The following PDE2A variants were observed in gnomAD, a reference collection of about 807,000 sequenced individuals.
The protein encoded by PDE2A is phosphodiesterase 2A, also known as cGMP-dependent 3',5'-cyclic phosphodiesterase.
PDE2A carries 53 observed loss-of-function variants against 133.6 expected under a neutral mutation model. The observed-to-expected ratio is 0.40, with a 90% CI of 0.32 to 0.50. The LOEUF is 0.50. Among genes scored for constraint, PDE2A ranks in the 20% least tolerant of loss-of-function variants. The probability of loss-of-function intolerance (pLI) is 0.73; values close to 1 mark genes in which losing one functional copy is unlikely to be tolerated. For synonymous variants in PDE2A, 491 were observed against 490.2 expected (o/e 1.00, Z -0.02); for missense variants, 796 against 1,232.4 (o/e 0.65, Z 5.30).
chr11:72,632,430 G>A lies in PDE2A; in HGVS notation c.144+9824C>T, dbSNP rs557403638. Among the ~76,000 whole-genome samples the A allele has an allele frequency of 1.5e-3, 225 of 152,236 alleles. 3 individuals are homozygous for A. The highest frequency in any genetic ancestry group is 0.013 in the Admixed American group (195 of 15,300). On this transcript the variant is annotated intron_variant, in intron 2 of 30. Coordinates refer to ENST00000334456, the MANE Select transcript of PDE2A (RefSeq NM_002599.5). ...TGATGGTCTAGGTGTGGCCATCTCC[G>A]GCAGTGACTGTGGTGTGTGTCTGGG...
At chr11:72,640,412 C>G (rs1319446433) in intron 2 of PDE2A, among the ~76,000 whole-genome samples, 3 of 151,368 alleles carry the variant, frequency 2.0e-5, no homozygotes, top group Non-Finnish European at 4.4e-5. Context: ...TACATGCACG[C>G]ACACACACAC....
intron 1 of PDE2A, among the ~76,000 whole-genome samples, chr11:72,662,550 G>T (rs2135459606): frequency 6.6e-6 from 1 of 152,296 alleles, no homozygotes; most frequent in South Asian, 2.1e-4. Context: ...TGAGGGGGTG[G>T]CTTATGGGTG....
chr11:72,619,404 A>T (rs1426262537), intron 2 of PDE2A, among the ~76,000 whole-genome samples: 2 of 152,062 alleles, frequency 1.3e-5, no homozygotes, highest in African/African-American at 4.8e-5. Flanking sequence ...ACGGACCATC[A>T]CATCATCATG....
intron 1 of PDE2A, chr11:72,643,605 C>T (rs78491410): frequency 0.046 from 7,071 of 152,660 alleles, 547 homozygotes; most frequent in African/African-American, 0.16. Flanking sequence ...CAGCTCCCCT[C>T]CTCACCAACT....
chr11:72,651,694 TG>T, intron 1 of PDE2A, among the ~76,000 whole-genome samples: 1 of 152,236 alleles, frequency 6.6e-6, no homozygotes, highest in Non-Finnish European at 1.5e-5. Context: ...AAAAGGATGT[TG>T]CTTGTTGTCC....
intron 1 of PDE2A, among the ~76,000 whole-genome samples, chr11:72,657,464 C>G (rs999004428): frequency 6.6e-6 from 1 of 152,196 alleles, no homozygotes; most frequent in African/African-American, 2.4e-5. Context: ...CCCCATGCCC[C>G]GGCCCCTGCC....
chr11:72,580,498 T>C (rs920069869), intron 25 of PDE2A, 79 bp downstream of exon 25: 12 of 1,043,186 alleles, frequency 1.2e-5, no homozygotes, highest in Non-Finnish European at 1.6e-5. Context: ...GGTTTGGGAA[T>C]AGGAGGAGCT....
chr11:72,612,264 G>A (rs948751329), intron 2 of PDE2A, among the ~76,000 whole-genome samples: 2 of 140,450 alleles, frequency 1.4e-5, no homozygotes, highest in South Asian at 2.3e-4. Context: ...ACTTAGACAT[G>A]CACATCACAT....
intron 2 of PDE2A, among the ~76,000 whole-genome samples, chr11:72,625,470 G>A (rs1009910789): frequency 3.9e-5 from 6 of 152,222 alleles, no homozygotes; most frequent in African/African-American, 1.4e-4. Flanking sequence ...GAGATGGAGG[G>A]CAGAGGACAA....
chr11:72,640,244 G>A (rs144812243), intron 2 of PDE2A, among the ~76,000 whole-genome samples: 2,829 of 151,414 alleles, frequency 0.019, 87 homozygotes, highest in African/African-American at 0.065. Flanking sequence ...AATTCAATAC[G>A]CACGCCACCT....
chr11:72,622,765 T>C (rs1857843178), intron 2 of PDE2A, among the ~76,000 whole-genome samples: 1 of 152,154 alleles, frequency 6.6e-6, no homozygotes, highest in African/African-American at 2.4e-5. Flanking sequence ...GTTCCAGAGA[T>C]TGGTTGCAAA....
chr11:72,583,710 C>T, intron 19 of PDE2A, 195 bp from the exon 20 acceptor site: 1 of 592,190 alleles, frequency 1.7e-6, no homozygotes, highest in Non-Finnish European at 3.0e-6. Context: ...GGTTCCTCCT[C>T]ATCAAGTTCT....
At chr11:72,635,104 A>G (rs761704331) in intron 2 of PDE2A, among the ~76,000 whole-genome samples, 47 of 152,182 alleles carry the variant, frequency 3.1e-4, no homozygotes, top group Non-Finnish European at 2.1e-4. Context: ...CCAGTCTGAA[A>G]TGGTTAAGGA....
At chr11:72,665,469 T>C (rs1374529499) in intron 1 of PDE2A, among the ~76,000 whole-genome samples, 1 of 147,710 alleles carries the variant, frequency 6.8e-6, no homozygotes, top group Non-Finnish European at 1.5e-5. Flanking sequence ...CTCCAGGGAA[T>C]GGGATCTCTC....
intron 2 of PDE2A, among the ~76,000 whole-genome samples, chr11:72,622,610 A>G (rs1482931121): frequency 6.6e-6 from 1 of 152,246 alleles, no homozygotes; most frequent in Non-Finnish European, 1.5e-5. Context: ...GACAGATACT[A>G]CATTATTCCA....
At chr11:72,587,363 C>T (rs958396267) in intron 13 of PDE2A, among the ~76,000 whole-genome samples, 1 of 152,210 alleles carries the variant, frequency 6.6e-6, no homozygotes, top group African/African-American at 2.4e-5. Flanking sequence ...CAGGAAGCTT[C>T]TCTGTAGTCA....
chr11:72,585,486 C>A (rs779636374), intron 15 of PDE2A, 52 bp from the exon 16 acceptor site: 10 of 1,609,720 alleles, frequency 6.2e-6, no homozygotes, highest in Non-Finnish European at 8.5e-6. Context: ...CAAGACCTCC[C>A]GCCTCTCCTC....
At chr11:72,579,201 T>C in intron 27 of PDE2A, 83 bp downstream of exon 27, 1 of 1,133,662 alleles carries the variant, frequency 8.8e-7, no homozygotes, top group Non-Finnish European at 1.3e-6. Flanking sequence ...GGGATGGGTC[T>C]GCACCCTGGG....
chr11:72,594,066 A>G (rs941753606), intron 6 of PDE2A, among the ~76,000 whole-genome samples: 3 of 152,196 alleles, frequency 2.0e-5, no homozygotes, highest in Non-Finnish European at 4.4e-5. Context: ...CCTCCAGACC[A>G]TATGGTCTGT....
Sources: gnomAD v4.1 joint callset for allele counts (sites outside exome capture counted in the v4.1 genomes callset) on GRCh38, gnomAD v4.1.1 for gene constraint, MANE v1.5 for transcripts, NCBI Gene and HGNC (gene_info 2026-07-23, HGNC 2026-07-21) for gene names.